The following TM9SF3 variants were observed in gnomAD, a reference collection of about 807,000 sequenced individuals.
TM9SF3 encodes transmembrane 9 superfamily member 3, also known as SM-11044-binding protein.
In TM9SF3, 14 loss-of-function variants were observed where a neutral mutation model predicts 78.6. The observed-to-expected ratio is 0.18, with a 90% confidence interval of 0.12 to 0.28. The LOEUF (loss-of-function observed/expected upper bound fraction) is 0.28. Ranked by LOEUF, TM9SF3 falls within the 10% of genes least tolerant of loss-of-function variation. The probability of loss-of-function intolerance (pLI) is 1.00; values close to 1 mark genes in which losing one functional copy is unlikely to be tolerated. For synonymous variants in TM9SF3, 231 were observed against 241.7 expected, an observed-to-expected ratio of 0.96 and a Z score of 0.41; for missense variants, 496 against 721.9, an observed-to-expected ratio of 0.69 and a Z score of 3.59.
chr10:96,574,064 T>C (rs985655477), intron 2 of TM9SF3, among the ~76,000 whole-genome samples: 1 of 152,130 alleles, frequency 6.6e-6, no homozygotes, highest in East Asian at 1.9e-4. Flanking sequence ...AAAGCCAAAA[T>C]AGACAAACAG....
chr10:96,586,714 C>T lies in TM9SF3; in HGVS notation c.102+20G>A, dbSNP rs1848636204. On this transcript the variant is annotated intron_variant, in intron 1 of 14. Coordinates refer to ENST00000371142, the MANE Select transcript of TM9SF3 (RefSeq NM_020123.4). Reference sequence around the variant, plus strand: ...CTGGGGAGCTAGCCCGGGGCGGCCGCGCCGGCCGGGGCGCCTCACCGTGTG... The same window carrying T: ...CTGGGGAGCTAGCCCGGGGCGGCCGTGCCGGCCGGGGCGCCTCACCGTGTG... The T allele has an allele frequency of 1.6e-6, 2 of 1,222,378 alleles. No individual in the cohort carries two copies. The highest frequency in any genetic ancestry group is 4.3e-5 in the Admixed American group (1 of 23,074). The allele number at this position is 1,222,378 out of a possible 1,614,324, so 75.7% of individuals were successfully genotyped here. A position where few individuals can be genotyped will look rare whatever the true frequency, so the allele number is the denominator to read the frequency against.
At chr10:96,523,658 G>A (rs1220672840) in intron 14 of TM9SF3, among the ~76,000 whole-genome samples, 1 of 151,842 alleles carries the variant, frequency 6.6e-6, no homozygotes, top group Non-Finnish European at 1.5e-5. Flanking sequence ...GTATTCTTGA[G>A]TATGATCAAG....
chr10:96,566,291 T>G (rs1310781745), intron 2 of TM9SF3, among the ~76,000 whole-genome samples: 4 of 152,252 alleles, frequency 2.6e-5, no homozygotes, highest in Non-Finnish European at 5.9e-5. Flanking sequence ...ATTGGTTATT[T>G]GAAACATGAA....
At chr10:96,551,178 A>T in intron 7 of TM9SF3, 67 bp downstream of exon 7, 2 of 1,295,092 alleles carry the variant, frequency 1.5e-6, no homozygotes, top group Non-Finnish European at 2.1e-6. Context: ...ATTGACTTAA[A>T]AGATTCCAGT....
Position 96,562,220 on chromosome 10 carries a change from T to G in TM9SF3, c.422-82A>C, listed in dbSNP as rs1216798055. ...TACAAGCTAAATGCTCATTAAGTTT[T>G]TTTTTTTTTTTTTTTTACCTCCGCC... On this transcript the variant is annotated intron_variant, in intron 3 of 14. Transcript: ENST00000371142. 3.4e-5 allele frequency: 32 copies of G among 934,468 alleles called. No homozygotes were observed. The South Asian group carries it at 4.6e-4, about 13-fold the overall frequency. The allele number at this position is 934,468 out of a possible 1,614,324, so 57.9% of individuals were successfully genotyped here.
chr10:96,586,957 G>T lies in TM9SF3; in HGVS notation c.-122C>A. On this transcript the variant is annotated 5_prime_UTR_variant, in exon 1 of 15. Transcript: ENST00000371142. ...CACGGGGCGCGGACAGACGCACGGG[G>T]CCCGGCCCAGCCGCTGCCTCCTCTG... 1 of 756,494 alleles carries T rather than the reference G, an allele frequency of 1.3e-6. No individual in the cohort carries two copies. The highest frequency in any genetic ancestry group is 6.1e-5 in the South Asian group (1 of 16,350). The allele number at this position is 756,494 out of a possible 1,614,324, so 46.9% of individuals were successfully genotyped here.
At chr10:96,570,655 T>C (rs1848428271) in intron 2 of TM9SF3, among the ~76,000 whole-genome samples, 1 of 152,188 alleles carries the variant, frequency 6.6e-6, no homozygotes, top group African/African-American at 2.4e-5. Flanking sequence ...CAAGTATATT[T>C]CTTCTCTCTC....
chr10:96,559,976 T>G (rs1848284422), intron 4 of TM9SF3, among the ~76,000 whole-genome samples: 1 of 152,250 alleles, frequency 6.6e-6, no homozygotes, highest in African/African-American at 2.4e-5. Context: ...TCTCAAGGAC[T>G]GTTTACTTTT....
chr10:96,570,079 T>G (rs1175082011), intron 2 of TM9SF3, among the ~76,000 whole-genome samples: 1 of 152,208 alleles, frequency 6.6e-6, no homozygotes, highest in Non-Finnish European at 1.5e-5. Flanking sequence ...CAGAATAGTA[T>G]GTTGCCACAT....
intron 14 of TM9SF3, among the ~76,000 whole-genome samples, chr10:96,523,307 C>A (rs567493194): frequency 6.6e-6 from 1 of 151,860 alleles, no homozygotes; most frequent in South Asian, 2.1e-4. Flanking sequence ...TAAGTGCACA[C>A]ACAAATGCCT....
At chr10:96,531,305 C>A (rs553393505) in intron 10 of TM9SF3, among the ~76,000 whole-genome samples, 38 of 152,242 alleles carry the variant, frequency 2.5e-4, no homozygotes, top group African/African-American at 8.9e-4. Context: ...TTCTCCCATT[C>A]TTCCACTGCC....
chr10:96,549,159 C>A (rs956684886), intron 7 of TM9SF3, among the ~76,000 whole-genome samples: 3 of 152,160 alleles, frequency 2.0e-5, no homozygotes, highest in Non-Finnish European at 4.4e-5. Flanking sequence ...ATAACAGGCA[C>A]CCACACTGAT....
chr10:96,518,421 GTTAT>G lies in TM9SF3; in HGVS notation c.*3838_*3841del, dbSNP rs1847720934. 1.3e-5 allele frequency: 2 copies of G among 152,140 alleles called. No homozygotes were observed. The highest frequency in any genetic ancestry group is 4.8e-5 in the African/African-American group (2 of 41,432). 9.4% of individuals were successfully genotyped at this position (152,140 alleles called of 1,614,324 possible). A position where few individuals can be genotyped will look rare whatever the true frequency, so the allele number is the denominator to read the frequency against. On this transcript the variant is annotated 3_prime_UTR_variant, in exon 15 of 15. Transcript: ENST00000371142. ...TGTTGTCCTTCAAATAGAATTCCAT[GTTAT>G]TTCTTTCTTGCCTTAAGCTCTTATA... is the stretch of plus-strand genomic sequence containing the variant.
chr10:96,551,792 T>G (rs1848173289), intron 6 of TM9SF3, among the ~76,000 whole-genome samples: 1 of 152,046 alleles, frequency 6.6e-6, no homozygotes, highest in Non-Finnish European at 1.5e-5. Flanking sequence ...GGTGGAGAAA[T>G]GAAAGAGAAG....
intron 9 of TM9SF3, among the ~76,000 whole-genome samples, chr10:96,537,710 T>C (rs1446499177): frequency 6.6e-6 from 1 of 152,132 alleles, no homozygotes; most frequent in Non-Finnish European, 1.5e-5. Context: ...CGTGCACCTG[T>C]AATCCTAGCT....
intron 8 of TM9SF3, among the ~76,000 whole-genome samples, chr10:96,546,128 G>A (rs1056312647): frequency 1.3e-5 from 2 of 152,188 alleles, no homozygotes; most frequent in Non-Finnish European, 2.9e-5. Context: ...TGAGGACAGT[G>A]TGAAGACCTT....
At chr10:96,533,290 A>G in intron 9 of TM9SF3, 100 bp from the exon 10 acceptor site, 2 of 1,415,050 alleles carry the variant, frequency 1.4e-6, no homozygotes, top group Non-Finnish European at 1.9e-6. Flanking sequence ...CCACAAAAGA[A>G]AATGTTTAAG....
At chr10:96,545,509 A>G (rs926194096) in intron 8 of TM9SF3, among the ~76,000 whole-genome samples, 3 of 152,214 alleles carry the variant, frequency 2.0e-5, no homozygotes, top group Admixed American at 6.5e-5. Context: ...GTGATTAATT[A>G]AAGTATTACT....
At chr10:96,584,960 C>A (rs1050681065) in intron 1 of TM9SF3, among the ~76,000 whole-genome samples, 4 of 152,158 alleles carry the variant, frequency 2.6e-5, no homozygotes, top group African/African-American at 9.7e-5. Flanking sequence ...TCAACAAAAA[C>A]CTTTTATCAA....
Sources: allele counts gnomAD v4.1 joint callset (sites outside exome capture counted in the v4.1 genomes callset), GRCh38; gene constraint gnomAD v4.1.1; transcripts MANE v1.5; gene names NCBI Gene and HGNC (gene_info 2026-07-23, HGNC 2026-07-21).